The following TRAPPC10 variants were observed in gnomAD, a reference collection of about 807,000 sequenced individuals.
TRAPPC10 encodes the protein TRAPP 130 kDa subunit.
TRAPPC10 carries 23 observed loss-of-function variants against 125.5 expected under a neutral mutation model. The observed-to-expected ratio is 0.18, with a 90% confidence interval of 0.13 to 0.26. TRAPPC10 has a LOEUF of 0.26. Among genes scored for constraint, TRAPPC10 ranks in the 10% least tolerant of loss-of-function variants. The probability of loss-of-function intolerance (pLI) is 1.00; values close to 1 mark genes in which losing one functional copy is unlikely to be tolerated. For missense variants in TRAPPC10, 1,123 were observed against 1,308.4 expected (o/e 0.86, Z 2.19); for synonymous variants, 509 against 518.0 (o/e 0.98, Z 0.24).
intron 3 of TRAPPC10, among the ~76,000 whole-genome samples, chr21:44,051,833 G>A (rs1273090195): frequency 6.6e-6 from 1 of 152,256 alleles, no homozygotes; most frequent in Non-Finnish European, 1.5e-5. Flanking sequence ...CCTGTGGGCA[G>A]TCTGGGCTGT....
chr21:44,034,884 A>G (rs1000478980), intron 2 of TRAPPC10, among the ~76,000 whole-genome samples: 5 of 152,208 alleles, frequency 3.3e-5, no homozygotes, highest in African/African-American at 9.7e-5. Flanking sequence ...CAGCCAGCAG[A>G]AGCTGGGAGA....
intron 11 of TRAPPC10, among the ~76,000 whole-genome samples, chr21:44,078,440 TA>T (rs34659269): frequency 0.32 from 40,073 of 125,984 alleles, 7,530 homozygotes; most frequent in African/African-American, 0.57. Context: ...TTTCATTTTC[TA>T]AAAAAAAAAA....
chr21:44,058,550 C>T (rs1601695169), intron 5 of TRAPPC10, among the ~76,000 whole-genome samples: 1 of 152,182 alleles, frequency 6.6e-6, no homozygotes, highest in Non-Finnish European at 1.5e-5. Flanking sequence ...TTCAGGTTTC[C>T]ATGTGTAAGC....
intron 1 of TRAPPC10, among the ~76,000 whole-genome samples, chr21:44,029,155 C>T (rs1262741760): frequency 2.6e-5 from 4 of 152,168 alleles, no homozygotes; most frequent in East Asian, 1.9e-4. Flanking sequence ...AGTGCAGTGG[C>T]GTGATCTCGG....
At chr21:44,089,560 C>T (rs1569221630) in intron 17 of TRAPPC10, 1 of 515,788 alleles carries the variant, frequency 1.9e-6, no homozygotes, top group South Asian at 1.5e-5. Context: ...TAGAGGACGG[C>T]TGTGCTCTTC....
At chr21:44,027,385 AAAAC>A (rs2033171193) in intron 1 of TRAPPC10, among the ~76,000 whole-genome samples, 2 of 152,208 alleles carry the variant, frequency 1.3e-5, no homozygotes, top group South Asian at 4.1e-4. Flanking sequence ...GGTTCAGTAA[AAAAC>A]AGATGACAGA....
intron 1 of TRAPPC10, among the ~76,000 whole-genome samples, chr21:44,030,250 T>G (rs914359502): frequency 1.3e-5 from 2 of 151,916 alleles, no homozygotes; most frequent in Non-Finnish European, 2.9e-5. Context: ...CGAGAGAGTG[T>G]GTGTGTGTGT....
In TRAPPC10 at chr21:44,079,989, C is replaced by T. The variant is rs771464082; in HGVS notation, c.1611-26C>T. ...CCCGCACTCCTAAGTATGAGCCTCT[C>T]CACGCTCCTTACCTCTCCGCTCCAG... On this transcript the variant is annotated intron_variant, in intron 12 of 22. Coordinates refer to ENST00000291574, the MANE Select transcript of TRAPPC10 (RefSeq NM_003274.5). The T allele has an allele frequency of 2.5e-6, 4 of 1,599,340 alleles. No individual in the cohort carries two copies. The African/African-American group carries it at 5.4e-5, about 21-fold the overall frequency.
intron 1 of TRAPPC10, among the ~76,000 whole-genome samples, chr21:44,030,524 A>G (rs1011882096): frequency 1.3e-5 from 2 of 151,428 alleles, no homozygotes; most frequent in Non-Finnish European, 2.9e-5. Context: ...CTGGAGTGCA[A>G]TGGTGCAATC....
At chr21:44,076,047 C>CTAAAAAAAA (rs113332330) in intron 9 of TRAPPC10, among the ~76,000 whole-genome samples, 10 of 137,280 alleles carry the variant, frequency 7.3e-5, no homozygotes, top group African/African-American at 1.7e-4. Context: ...AAAACTCTGT[C>CTAAAAAAAA]AAAAAAAAAA....
intron 14 of TRAPPC10, 86 bp from the exon 15 acceptor site, chr21:44,084,036 A>G: frequency 5.2e-6 from 8 of 1,528,378 alleles, no homozygotes; most frequent in Non-Finnish European, 7.1e-6. Flanking sequence ...TCTGGAGTTC[A>G]GAGAGACCGC....
At chr21:44,046,308 G>A (rs2034800820) in intron 3 of TRAPPC10, 1 of 253,910 alleles carries the variant, frequency 3.9e-6, no homozygotes, top group Non-Finnish European at 8.6e-6. Flanking sequence ...AGCTGGTAGA[G>A]TATTTAGAGT....
At chr21:44,068,675 A>G (rs1235600991) in intron 7 of TRAPPC10, among the ~76,000 whole-genome samples, 4 of 151,974 alleles carry the variant, frequency 2.6e-5, no homozygotes, top group African/African-American at 9.7e-5. Flanking sequence ...ATCTTGGCTC[A>G]TTGTAGCCTC....
intron 7 of TRAPPC10, among the ~76,000 whole-genome samples, chr21:44,073,157 A>G (rs970933464): frequency 4.6e-5 from 7 of 151,910 alleles, no homozygotes; most frequent in African/African-American, 1.7e-4. Context: ...AGCTTATCTT[A>G]TTTTTCAGAA....
In TRAPPC10 at chr21:44,076,065, C is replaced by A. The variant is rs1301011578; in HGVS notation, c.1301-487C>A. Among the ~76,000 whole-genome samples, 5 of 150,456 alleles carry A rather than the reference C, an allele frequency of 3.3e-5. No homozygotes were observed. In the South Asian group the frequency reaches 1.0e-3, roughly 31 times the overall value. On this transcript the variant is annotated intron_variant, in intron 9 of 22. Transcript: ENST00000291574. Reference sequence around the variant, plus strand: ...ACTCTGTCAAAAAAAAAAAAAAATTCTCCTGGATAATAAGGCTCTTTGAAA... The same window carrying A: ...ACTCTGTCAAAAAAAAAAAAAAATTATCCTGGATAATAAGGCTCTTTGAAA...
chr21:44,029,957 A>G (rs1244463059), intron 1 of TRAPPC10, among the ~76,000 whole-genome samples: 1 of 152,246 alleles, frequency 6.6e-6, no homozygotes, highest in Non-Finnish European at 1.5e-5. Flanking sequence ...TCCCAGGTCA[A>G]ATTCCTACTT....
chr21:44,091,865 G>C, intron 18 of TRAPPC10, 58 bp from the exon 19 acceptor site: 1 of 1,546,978 alleles, frequency 6.5e-7, no homozygotes, highest in South Asian at 1.1e-5. Context: ...ACAAAGCTAA[G>C]ATATATTTAA....
intron 5 of TRAPPC10, among the ~76,000 whole-genome samples, chr21:44,057,827 G>A (rs1014782299): frequency 1.3e-5 from 2 of 152,184 alleles, no homozygotes; most frequent in South Asian, 2.1e-4. Context: ...ACCTGGGTGG[G>A]CCCTTAGGGG....
At chr21:44,092,583 G>A (rs2038659718) in intron 19 of TRAPPC10, among the ~76,000 whole-genome samples, 1 of 113,420 alleles carries the variant, frequency 8.8e-6, no homozygotes, top group South Asian at 3.5e-4. Flanking sequence ...CTTAATGGAT[G>A]TCTGAATCTC....
Sources: gnomAD v4.1 joint callset for allele counts (sites outside exome capture counted in the v4.1 genomes callset) on GRCh38, gnomAD v4.1.1 for gene constraint, MANE v1.5 for transcripts, NCBI Gene and HGNC (gene_info 2026-07-23, HGNC 2026-07-21) for gene names.